The following NME7 variants were observed in gnomAD, a reference collection of about 807,000 sequenced individuals.
NME7 encodes NME/NM23 family member 7.
In NME7, 41 loss-of-function variants were observed where a neutral mutation model predicts 49.1. The ratio of observed to expected loss-of-function variants is 0.83; its 90% CI spans 0.65 to 1.08. The LOEUF is 1.08. NME7 is among the 50% of genes least tolerant of loss of function. The pLI is 0.00. For synonymous variants in NME7, 139 were observed against 150.6 expected (o/e 0.92, Z 0.56); for missense variants, 423 against 463.4 (o/e 0.91, Z 0.80).
At chr1:169,338,486 C>T (rs1242578285) in intron 1 of NME7, among the ~76,000 whole-genome samples, 1 of 152,166 alleles carries the variant, frequency 6.6e-6, no homozygotes, top group East Asian at 1.9e-4. Context: ...GGAAGCTGGT[C>T]AAACAAGATG....
intron 11 of NME7, among the ~76,000 whole-genome samples, chr1:169,150,763 G>GAAAAA (rs10689301): frequency 2.5e-4 from 31 of 124,328 alleles, no homozygotes; most frequent in South Asian, 1.3e-3. Context: ...GCTGGAAAAG[G>GAAAAA]AAAAAAAAAA....
intron 11 of NME7, among the ~76,000 whole-genome samples, chr1:169,156,076 G>T (rs1186467556): frequency 1.3e-5 from 2 of 151,824 alleles, no homozygotes; most frequent in African/African-American, 4.8e-5. Flanking sequence ...CCAACACTTT[G>T]AGAGACCAAG....
At position 169,320,765 on chromosome 1, in the gene NME7, AT is replaced by A. The variant is rs1651824231; in HGVS notation, c.278+2351del. ...AGTCAGTAAAATATATACTACATATATTTTCATTTTCATTAACTATATAAAG... is the reference window on the plus strand; with the variant it reads ...AGTCAGTAAAATATATACTACATATATTTCATTTTCATTAACTATATAAAG... On this transcript the variant is annotated intron_variant, in intron 3 of 11. Transcript: ENST00000367811. Among the ~76,000 whole-genome samples, 3 of 152,182 alleles carry A rather than the reference AT, an allele frequency of 2.0e-5. No homozygotes were observed. The South Asian group carries it at 6.2e-4, about 32-fold the overall frequency.
chr1:169,290,309 T>C (rs1315845399), intron 6 of NME7, among the ~76,000 whole-genome samples: 1 of 151,660 alleles, frequency 6.6e-6, no homozygotes, highest in Non-Finnish European at 1.5e-5. Context: ...ATGTCCCAAA[T>C]TAAAACAGTA....
intron 10 of NME7, among the ~76,000 whole-genome samples, chr1:169,225,863 T>C (rs1314328465): frequency 1.3e-5 from 2 of 152,194 alleles, no homozygotes; most frequent in African/African-American, 4.8e-5. Flanking sequence ...ATCTGCAACA[T>C]ATATAGTTAC....
chr1:169,135,751 C>T (rs985596588), intron 11 of NME7, among the ~76,000 whole-genome samples: 3 of 151,996 alleles, frequency 2.0e-5, no homozygotes, highest in African/African-American at 4.8e-5. Context: ...TGAAACAAGG[C>T]GGGTATCTTG....
intron 1 of NME7, among the ~76,000 whole-genome samples, chr1:169,343,869 C>G (rs1020367811): frequency 5.9e-5 from 9 of 152,072 alleles, no homozygotes; most frequent in Non-Finnish European, 1.2e-4. Context: ...TTTTGTTGTT[C>G]TTGTTTAAAA....
rs1433079347 is a variant in NME7, at chr1:169,273,651, C to T, written c.754+13652G>A. Among the ~76,000 whole-genome samples the T allele has an allele frequency of 4.3e-3, 509 of 118,468 alleles. 1 individual carries two copies. Among genetic ancestry groups the T allele is most frequent in the Middle Eastern group, 0.012 (3 of 250 alleles). 77.7% of individuals were successfully genotyped at this position (118,468 alleles called of 152,430 possible). A position where few individuals can be genotyped will look rare whatever the true frequency, so the allele number is the denominator to read the frequency against. On this transcript the variant is annotated intron_variant, in intron 7 of 11. Coordinates refer to ENST00000367811, the MANE Select transcript of NME7 (RefSeq NM_013330.5). ...AACAGTCCCCAGAGTGTGATGTTCC[C>T]CTTCCTGTGTCCATGTGTTCTCATT...
chr1:169,277,805 G>T (rs1269954707), intron 7 of NME7, among the ~76,000 whole-genome samples: 1 of 131,228 alleles, frequency 7.6e-6, no homozygotes, highest in Non-Finnish European at 1.6e-5. Context: ...ATTTTGGCAT[G>T]ATTTTGCAGC....
chr1:169,314,625 A>C (rs1477539726), intron 3 of NME7, among the ~76,000 whole-genome samples: 1 of 152,100 alleles, frequency 6.6e-6, no homozygotes, highest in African/African-American at 2.4e-5. Flanking sequence ...TTTATAAAAA[A>C]ATTTTTTTAA....
intron 1 of NME7, among the ~76,000 whole-genome samples, chr1:169,339,752 T>G (rs142329567): frequency 7.9e-4 from 121 of 152,320 alleles, no homozygotes; most frequent in African/African-American, 2.8e-3. Flanking sequence ...TCAGCTGACC[T>G]CCATGAACTT....
intron 11 of NME7, among the ~76,000 whole-genome samples, chr1:169,160,737 C>A (rs1368880463): frequency 2.0e-5 from 3 of 152,110 alleles, no homozygotes; most frequent in African/African-American, 4.8e-5. Context: ...GGTTTTCAGA[C>A]ATTTTTAGAT....
intron 3 of NME7, chr1:169,322,158 T>C (rs146088435): frequency 6.6e-6 from 1 of 152,362 alleles, no homozygotes; most frequent in Admixed American, 6.5e-5. Flanking sequence ...TCTTGTTTTC[T>C]ATAAGTCTAA....
At chr1:169,243,973 T>G in intron 7 of NME7, among the ~76,000 whole-genome samples, 1 of 152,206 alleles carries the variant, frequency 6.6e-6, no homozygotes, top group Non-Finnish European at 1.5e-5. Context: ...TAAGATTATA[T>G]TATAATAAAA....
chr1:169,220,991 A>G (rs12410241), intron 10 of NME7, among the ~76,000 whole-genome samples: 12,599 of 152,266 alleles, frequency 0.083, 709 homozygotes, highest in Admixed American at 0.19. Flanking sequence ...TTTCTCATCA[A>G]TAGAGTGAGA....
At chr1:169,222,230 A>G (rs12144230) in intron 10 of NME7, among the ~76,000 whole-genome samples, 36,707 of 152,064 alleles carry the variant, frequency 0.24, 5,469 homozygotes, top group Non-Finnish European at 0.34. Context: ...TCTGTCTCCA[A>G]CTAGAATGTA....
chr1:169,233,899 T>C (rs575560260), intron 9 of NME7, among the ~76,000 whole-genome samples: 1 of 152,220 alleles, frequency 6.6e-6, no homozygotes, highest in Admixed American at 6.5e-5. Context: ...CCTTGTTTCC[T>C]TCCTTTTCCT....
chr1:169,245,827 G>GT (rs1470394011), intron 7 of NME7, among the ~76,000 whole-genome samples: 11 of 152,142 alleles, frequency 7.2e-5, no homozygotes, highest in Admixed American at 5.2e-4. Flanking sequence ...AATCACAAGT[G>GT]TTACTAAAGT....
intron 1 of NME7, among the ~76,000 whole-genome samples, chr1:169,341,030 T>C (rs376592304): frequency 6.6e-6 from 1 of 152,106 alleles, no homozygotes. Context: ...GAAATTTGCA[T>C]AAAAAATGAG....
Sources: allele counts gnomAD v4.1 joint callset (sites outside exome capture counted in the v4.1 genomes callset), GRCh38; gene constraint gnomAD v4.1.1; transcripts MANE v1.5; gene names NCBI Gene and HGNC (gene_info 2026-07-23, HGNC 2026-07-21).